Variants in PCSK2 observed in about 807,000 individuals in gnomAD.
PCSK2 encodes the protein neuroendocrine convertase 2.
In PCSK2, 14 loss-of-function variants were observed where a neutral mutation model predicts 69.7. The ratio of observed to expected loss-of-function variants is 0.20; its 90% confidence interval spans 0.13 to 0.31. PCSK2 has a LOEUF of 0.31. PCSK2 is among the 10% of genes least tolerant of loss of function. The probability of loss-of-function intolerance (pLI) is 1.00; values close to 1 mark genes in which losing one functional copy is unlikely to be tolerated. For missense variants in PCSK2, 544 were observed against 842.5 expected, an observed-to-expected ratio of 0.65 and a Z score of 4.39; for synonymous variants, 307 against 320.7, an observed-to-expected ratio of 0.96 and a Z score of 0.46.
intron 11 of PCSK2, among the ~76,000 whole-genome samples, chr20:17,466,488 G>A (rs1023865719): frequency 6.6e-6 from 1 of 152,076 alleles, no homozygotes; most frequent in African/African-American, 2.4e-5. Context: ...TTTGCCACTT[G>A]GAGGGATTTG....
At chr20:17,350,790 C>A (rs965204326) in intron 2 of PCSK2, among the ~76,000 whole-genome samples, 3 of 152,126 alleles carry the variant, frequency 2.0e-5, no homozygotes, top group Non-Finnish European at 4.4e-5. Flanking sequence ...TGCCTGTAAT[C>A]CCAGCACTTT....
intron 5 of PCSK2, among the ~76,000 whole-genome samples, chr20:17,379,590 C>CA (rs1291028500): frequency 6.6e-6 from 1 of 152,208 alleles, no homozygotes; most frequent in African/African-American, 2.4e-5. Flanking sequence ...TCCTTGAAGA[C>CA]AAAGACTTGA....
chr20:17,347,432 GC>G (rs1568611788), intron 2 of PCSK2, among the ~76,000 whole-genome samples: 1 of 152,098 alleles, frequency 6.6e-6, no homozygotes, highest in African/African-American at 2.4e-5. Flanking sequence ...CCTTGGAGAG[GC>G]CTTTTTCTTC....
At chr20:17,396,005 G>C (rs1249468417) in intron 5 of PCSK2, among the ~76,000 whole-genome samples, 1 of 152,126 alleles carries the variant, frequency 6.6e-6, no homozygotes, top group Non-Finnish European at 1.5e-5. Flanking sequence ...AACCTCGCCA[G>C]CCATTCAAAG....
At chr20:17,274,729 C>A (rs1987994685) in intron 2 of PCSK2, among the ~76,000 whole-genome samples, 1 of 152,032 alleles carries the variant, frequency 6.6e-6, no homozygotes, top group Admixed American at 6.6e-5. Context: ...GAATTCCTGA[C>A]CCAAAAAATC....
intron 8 of PCSK2, among the ~76,000 whole-genome samples, chr20:17,437,141 G>C (rs964732424): frequency 8.6e-5 from 11 of 127,268 alleles, no homozygotes; most frequent in East Asian, 2.2e-4. Context: ...AGGGGCCGGG[G>C]GGGGGAGGGT....
intron 5 of PCSK2, among the ~76,000 whole-genome samples, chr20:17,403,954 T>C (rs772131866): frequency 1.3e-5 from 2 of 152,184 alleles, no homozygotes; most frequent in African/African-American, 4.8e-5. Flanking sequence ...AAAATGACAT[T>C]CCCTACTGGT....
At chr20:17,257,659 GT>G (rs1987229935) in intron 1 of PCSK2, among the ~76,000 whole-genome samples, 1 of 152,176 alleles carries the variant, frequency 6.6e-6, no homozygotes, top group South Asian at 2.1e-4. Context: ...AAGGGGCTCT[GT>G]TGTGTATATC....
rs138340254 is a variant in PCSK2, at chr20:17,445,742, C to T, written c.886-8000C>T. Among the ~76,000 whole-genome samples, 639 of 152,328 alleles carry T rather than the reference C, an allele frequency of 4.2e-3. 3 individuals are homozygous for T. The highest frequency in any genetic ancestry group is 0.015 in the African/African-American group (615 of 41,576). On this transcript the variant is annotated intron_variant, in intron 8 of 11. Coordinates refer to ENST00000262545, the MANE Select transcript of PCSK2 (RefSeq NM_002594.5). ...AATGCCTCCTGCCAAGGAGCTCTCA[C>T]GAATACTCTGTGAGCCCAGATTTAT...
chr20:17,347,787 CGAAA>C (rs58349005), intron 2 of PCSK2, among the ~76,000 whole-genome samples: 5,395 of 48,480 alleles, frequency 0.11, 471 homozygotes, highest in Middle Eastern at 0.16. Flanking sequence ...GACACATAGA[CGAAA>C]GAAAGAAAGA....
chr20:17,433,524 G>A (rs981863758), intron 7 of PCSK2, among the ~76,000 whole-genome samples: 5 of 152,240 alleles, frequency 3.3e-5, no homozygotes, highest in Non-Finnish European at 7.3e-5. Context: ...CAGAGGCAGA[G>A]AGGGTGCAGC....
At chr20:17,298,470 C>T (rs1205077203) in intron 2 of PCSK2, among the ~76,000 whole-genome samples, 1 of 152,150 alleles carries the variant, frequency 6.6e-6, no homozygotes, top group South Asian at 2.1e-4. Context: ...GTTCAACATT[C>T]TACAATGCAC....
chr20:17,355,343 A>C (rs1233492133), intron 2 of PCSK2, among the ~76,000 whole-genome samples: 4 of 152,156 alleles, frequency 2.6e-5, no homozygotes, highest in Non-Finnish European at 5.9e-5. Context: ...CTCCCCGAAG[A>C]TCCTCTCAGG....
intron 1 of PCSK2, among the ~76,000 whole-genome samples, chr20:17,244,084 A>C (rs181493234): frequency 6.6e-5 from 10 of 152,352 alleles, no homozygotes; most frequent in African/African-American, 2.4e-4. Context: ...CCTTGTTCTT[A>C]GAAAACACAC....
At chr20:17,423,451 C>A (rs1412062053) in intron 6 of PCSK2, among the ~76,000 whole-genome samples, 1 of 152,070 alleles carries the variant, frequency 6.6e-6, no homozygotes, top group African/African-American at 2.4e-5. Context: ...CAATAGATGA[C>A]AGATGATTCC....
intron 5 of PCSK2, among the ~76,000 whole-genome samples, chr20:17,372,538 G>A (rs559408951): frequency 6.9e-4 from 105 of 152,268 alleles, no homozygotes; most frequent in African/African-American, 2.4e-3. Flanking sequence ...AGATGACAAT[G>A]TCTATGCTGA....
intron 2 of PCSK2, among the ~76,000 whole-genome samples, chr20:17,333,938 G>GATATATATATATAT (rs1990277000): frequency 3.4e-5 from 2 of 59,080 alleles, no homozygotes; most frequent in South Asian, 9.1e-4. Context: ...TATATATATG[G>GATATATATATATAT]CTTCAAATCT....
At chr20:17,471,956 T>G (rs2123412395) in intron 11 of PCSK2, among the ~76,000 whole-genome samples, 1 of 152,318 alleles carries the variant, frequency 6.6e-6, no homozygotes, top group Non-Finnish European at 1.5e-5. Flanking sequence ...GGTTTGTGGG[T>G]TTCCTTGGCA....
At chr20:17,346,352 A>G (rs1990653214) in intron 2 of PCSK2, among the ~76,000 whole-genome samples, 1 of 152,138 alleles carries the variant, frequency 6.6e-6, no homozygotes, top group African/African-American at 2.4e-5. Flanking sequence ...ATGTGGGGAC[A>G]CTGACTGTTC....
Sources: allele counts gnomAD v4.1 joint callset (sites outside exome capture counted in the v4.1 genomes callset), GRCh38; gene constraint gnomAD v4.1.1; transcripts MANE v1.5; gene names NCBI Gene and HGNC (gene_info 2026-07-23, HGNC 2026-07-21).